CDH23: variants seen among roughly 807,000 people sequenced by gnomAD.
The protein encoded by CDH23 is cadherin related 23.
In CDH23, 189 loss-of-function variants were observed where a neutral mutation model predicts 317.1. The observed-to-expected ratio is 0.60, with a 90% CI of 0.53 to 0.67. The LOEUF is 0.67. Ranked by LOEUF, CDH23 falls within the 30% of genes least tolerant of loss-of-function variation. The pLI is 0.00. For synonymous variants in CDH23, 1,839 were observed against 1,876.8 expected, an observed-to-expected ratio of 0.98 and a Z score of 0.52; for missense variants, 4,401 against 4,592.4, an observed-to-expected ratio of 0.96 and a Z score of 1.20.
rs894428849 is a variant in CDH23 at position 71,808,111 on chromosome 10, T to C, written c.8722+104T>C. 6 of 1,401,656 alleles carry C rather than the reference T, an allele frequency of 4.3e-6. No homozygotes were observed. The African/African-American group carries it at 5.7e-5, about 13-fold the overall frequency. 86.8% of individuals were successfully genotyped at this position (1,401,656 alleles called of 1,614,324 possible). ...GGGTCTGTGGGAGCACCACAGGATA[T>C]GGGTGGCCCCCCAGCCAGCCACACC... is the stretch of plus-strand genomic sequence containing the variant. On this transcript the variant is annotated intron_variant, in intron 60 of 69. Transcript: ENST00000224721.
intron 38 of CDH23, chr10:71,753,733 G>A (rs952577104): frequency 9.4e-5 from 43 of 456,120 alleles, no homozygotes; most frequent in African/African-American, 2.4e-4. Flanking sequence ...GATGCTTCTC[G>A]TTTTAAGGAG....
intron 1 of CDH23, among the ~76,000 whole-genome samples, chr10:71,413,165 G>T: frequency 6.6e-6 from 1 of 152,250 alleles, no homozygotes; most frequent in East Asian, 1.9e-4. Context: ...TATGGTATAA[G>T]ATTAGAGTCC....
In CDH23 at chr10:71,807,351, A is replaced by G. The variant is rs754341948; in HGVS notation, c.8253A>G (p.Thr2751=). 6.2e-7 allele frequency: 1 copy of G among 1,613,884 alleles called. No individual in the cohort carries two copies. Among genetic ancestry groups the G allele is most frequent in the Non-Finnish European group, 8.5e-7 (1 of 1,179,812 alleles). The stretch of plus-strand genomic sequence containing the variant: ...GCGGCACCCTCGTGGGCAACGTGAC[A>G]GGCGCAGTGGATGCAGATGAGGGCC... The part of the protein sequence containing the change: ...SPRGTLVGNV[T]GAVDADEGPN... The change falls in exon 58 of 70, where the codon ACA becomes ACG. Residue 2751 remains threonine, a synonymous_variant. Transcript: ENST00000224721.
At position 71,574,885 on chromosome 10, in the gene CDH23, G is replaced by A. The variant is rs191245789; in HGVS notation, c.754-3029G>A. 4.1e-3 allele frequency among the ~76,000 whole-genome samples: 620 copies of A among 152,228 alleles called. 2 individuals carry two copies. Among genetic ancestry groups the A allele is most frequent in the Middle Eastern group, 6.8e-3 (2 of 292 alleles). ...CCTGAGCCCTTGCCTCCTCCAGAGA[G>A]CAAAGGGGTCCCCCAGGCACACCCC... On this transcript the variant is annotated intron_variant, in intron 8 of 69. Transcript: ENST00000224721.
intron 6 of CDH23, among the ~76,000 whole-genome samples, chr10:71,525,540 G>T (rs1215746478): frequency 6.6e-6 from 1 of 152,212 alleles, no homozygotes; most frequent in Non-Finnish European, 1.5e-5. Flanking sequence ...GACTAGGGAG[G>T]GTAGCTGGCT....
intron 6 of CDH23, among the ~76,000 whole-genome samples, chr10:71,554,022 C>G (rs553607016): frequency 6.6e-6 from 1 of 152,342 alleles, no homozygotes; most frequent in Admixed American, 6.5e-5. Context: ...GTTTACTGAC[C>G]CTTGTCTATA....
chr10:71,471,288 G>A (rs1258286612), intron 3 of CDH23, among the ~76,000 whole-genome samples: 3 of 152,170 alleles, frequency 2.0e-5, no homozygotes, highest in South Asian at 2.1e-4. Context: ...TCACTCTGCC[G>A]AGTTCAGCAA....
chr10:71,499,612 G>A (rs1186917898), intron 3 of CDH23, among the ~76,000 whole-genome samples: 2 of 151,964 alleles, frequency 1.3e-5, no homozygotes, highest in African/African-American at 4.8e-5. Flanking sequence ...GGCGGAGGCA[G>A]GTGGATCACT....
chr10:71,679,693 C>T (rs1864532601), intron 17 of CDH23, among the ~76,000 whole-genome samples: 1 of 152,250 alleles, frequency 6.6e-6, no homozygotes, highest in African/African-American at 2.4e-5. Flanking sequence ...CTGTGTCCCT[C>T]ATCAGCAGGA....
intron 14 of CDH23, among the ~76,000 whole-genome samples, chr10:71,674,700 A>C (rs1037770605): frequency 1.3e-5 from 2 of 152,226 alleles, no homozygotes; most frequent in Admixed American, 1.3e-4. Context: ...CCTTGCATGG[A>C]TTATGTGTTT....
intron 11 of CDH23, among the ~76,000 whole-genome samples, chr10:71,639,753 C>CA (rs1589287049): frequency 6.6e-6 from 1 of 152,254 alleles, no homozygotes; most frequent in East Asian, 1.9e-4. Flanking sequence ...CCGGGCTTCA[C>CA]AAATGGAAGC....
At chr10:71,770,502 G>A (rs1203279949) in intron 38 of CDH23, among the ~76,000 whole-genome samples, 1 of 152,214 alleles carries the variant, frequency 6.6e-6, no homozygotes, top group Non-Finnish European at 1.5e-5. Flanking sequence ...CTGCAGCTAA[G>A]GGCATCTGTG....
At chr10:71,758,899 T>A (rs1840217829) in intron 38 of CDH23, among the ~76,000 whole-genome samples, 1 of 152,164 alleles carries the variant, frequency 6.6e-6, no homozygotes, top group African/African-American at 2.4e-5. Flanking sequence ...GGACAGAGTC[T>A]CGCTCTGTCA....
intron 9 of CDH23, among the ~76,000 whole-genome samples, chr10:71,583,875 C>T (rs1858835557): frequency 6.6e-6 from 1 of 152,180 alleles, no homozygotes; most frequent in African/African-American, 2.4e-5. Flanking sequence ...AGAGGCAGAG[C>T]AGAGATTTGA....
rs527603267 is a variant in CDH23, at chr10:71,798,439, C to A, written c.6915C>A (p.Ile2305=). ...GGATCACCTACTACATGGAGCGGAT[C>A]CTGGAGGGGGCCACCCCTGGGACCA... ...PFGITYYMER[I]LEGATPGTTL... is the part of the protein sequence containing the mutation. The change falls in exon 50 of 70, where the codon ATC becomes ATA. Residue 2305 remains isoleucine, a synonymous_variant. Transcript: ENST00000224721. The A allele has an allele frequency of 4.3e-6, 7 of 1,613,970 alleles. No homozygotes were observed. The highest frequency in any genetic ancestry group is 1.1e-5 in the South Asian group (1 of 91,082).
intron 3 of CDH23, among the ~76,000 whole-genome samples, chr10:71,461,928 C>G (rs1243775366): frequency 9.3e-6 from 1 of 107,522 alleles, no homozygotes; most frequent in African/African-American, 2.9e-5. Context: ...CCACTTAGGA[C>G]CGCTGCCCTG....
chr10:71,504,808 C>T (rs887893085), intron 3 of CDH23, among the ~76,000 whole-genome samples: 8 of 152,192 alleles, frequency 5.3e-5, no homozygotes, highest in South Asian at 2.1e-4. Flanking sequence ...TGGTTGTTTA[C>T]GGCCAGCGTT....
chr10:71,800,867 C>G (rs1244834199), intron 53 of CDH23, 112 bp downstream of exon 53: 1 of 1,414,640 alleles, frequency 7.1e-7, no homozygotes, highest in Admixed American at 2.1e-5. Flanking sequence ...CCCCCGGTCC[C>G]CTTTGAGACA....
chr10:71,682,217 G>A (rs779297234), intron 17 of CDH23, among the ~76,000 whole-genome samples: 1 of 152,216 alleles, frequency 6.6e-6, no homozygotes, highest in South Asian at 2.1e-4. Flanking sequence ...TAAAAGTGGG[G>A]CTTACATTAC....
Sources: allele counts gnomAD v4.1 joint callset (sites outside exome capture counted in the v4.1 genomes callset), GRCh38; gene constraint gnomAD v4.1.1; transcripts MANE v1.5; gene names NCBI Gene and HGNC (gene_info 2026-07-23, HGNC 2026-07-21).